Variants in SMAP1 observed in about 807,000 individuals in gnomAD.
SMAP1 encodes small ArfGAP 1, also known as stromal membrane-associated protein 1.
SMAP1 carries 24 observed loss-of-function variants against 58.5 expected under a neutral mutation model. The ratio of observed to expected loss-of-function variants is 0.41; its 90% confidence interval spans 0.30 to 0.58. The LOEUF is 0.58. Among genes scored for constraint, SMAP1 ranks in the 20% least tolerant of loss-of-function variants. The pLI, the probability that SMAP1 is intolerant of heterozygous loss-of-function variation, is 0.29. For missense variants in SMAP1, 563 were observed against 566.3 expected, an observed-to-expected ratio of 0.99 and a Z score of 0.06; for synonymous variants, 216 against 196.6, an observed-to-expected ratio of 1.10 and a Z score of -0.82.
Position 70,668,029 on chromosome 6 carries a change from G to A in SMAP1, c.6G>A (p.Ala2=). 2 of 1,596,054 alleles carry A rather than the reference G, an allele frequency of 1.3e-6. No homozygotes were observed. Among genetic ancestry groups the A allele is most frequent in the African/African-American group, 2.7e-5 (2 of 72,946 alleles). The change falls in exon 1 of 11, where the codon GCG becomes GCA. Residue 2 remains alanine (A), a synonymous_variant. Coordinates refer to ENST00000370455, the MANE Select transcript of SMAP1 (RefSeq NM_001044305.3). Reference sequence around the variant, plus strand: ...CTCCCCGCCCCGCTGCCGAGATGGCGACGCGCTCCTGTCGGGAGAAGGCTC... The same window carrying A: ...CTCCCCGCCCCGCTGCCGAGATGGCAACGCGCTCCTGTCGGGAGAAGGCTC... The part of the protein sequence containing the change: M[A]TRSCREKAQK...
At chr6:70,787,030 C>G (rs200371588) in intron 4 of SMAP1, among the ~76,000 whole-genome samples, 1 of 152,246 alleles carries the variant, frequency 6.6e-6, no homozygotes, top group Non-Finnish European at 1.5e-5. Flanking sequence ...GGAGGCATCA[C>G]GCTACCTGAC....
At chr6:70,750,370 T>G (rs1051570252) in intron 2 of SMAP1, among the ~76,000 whole-genome samples, 2 of 152,242 alleles carry the variant, frequency 1.3e-5, no homozygotes, top group African/African-American at 4.8e-5. Context: ...TATGTTTTAG[T>G]TTCTTAAATT....
At chr6:70,791,945 A>C (rs1768380625) in intron 5 of SMAP1, among the ~76,000 whole-genome samples, 176 bp downstream of exon 5, 1 of 152,144 alleles carries the variant, frequency 6.6e-6, no homozygotes, top group Non-Finnish European at 1.5e-5. Context: ...AAGAACTTTG[A>C]ATCTATATTT....
At chr6:70,759,181 A>G (rs1330436081) in intron 3 of SMAP1, among the ~76,000 whole-genome samples, 2 of 152,120 alleles carry the variant, frequency 1.3e-5, no homozygotes, top group Non-Finnish European at 2.9e-5. Context: ...AGAATAAAGC[A>G]TGGTAGAAGG....
At chr6:70,759,358 G>T (rs999813169) in intron 3 of SMAP1, among the ~76,000 whole-genome samples, 1 of 152,010 alleles carries the variant, frequency 6.6e-6, no homozygotes, top group African/African-American at 2.4e-5. Flanking sequence ...TGTGTCTGTG[G>T]CAGGGTGGGG....
chr6:70,857,600 G>A (rs1369725506), intron 9 of SMAP1: 1 of 274,234 alleles, frequency 3.6e-6, no homozygotes, highest in African/African-American at 2.2e-5. Flanking sequence ...GGGGACCAGT[G>A]GTACAAATCA....
rs527710757 is a variant in SMAP1, at chr6:70,767,031, A to G, written c.339-6319A>G. 3.9e-5 allele frequency among the ~76,000 whole-genome samples: 6 copies of G among 152,004 alleles called. No homozygotes were observed. The East Asian group carries it at 1.2e-3, about 29-fold the overall frequency. On this transcript the variant is annotated intron_variant, in intron 3 of 10. Coordinates refer to ENST00000370455, the MANE Select transcript of SMAP1 (RefSeq NM_001044305.3). ...CCTTTCCCCATTGCTTGTTTTTCTC[A>G]GGTTTGTCAAAGATCAGATAGTTGT... is the stretch of plus-strand genomic sequence containing the variant.
intron 4 of SMAP1, among the ~76,000 whole-genome samples, chr6:70,787,871 C>G (rs942117092): frequency 1.3e-5 from 2 of 151,770 alleles, no homozygotes; most frequent in African/African-American, 2.4e-5. Context: ...ACTAGTTCAA[C>G]CATTGTGGAA....
intron 6 of SMAP1, among the ~76,000 whole-genome samples, chr6:70,820,700 A>G (rs1769848024): frequency 6.6e-6 from 1 of 151,268 alleles, no homozygotes; most frequent in Admixed American, 6.6e-5. Flanking sequence ...GTGAGACTCC[A>G]TCTCGGAAAA....
chr6:70,673,494 T>A (rs1018583871), intron 1 of SMAP1, among the ~76,000 whole-genome samples: 8 of 152,206 alleles, frequency 5.3e-5, no homozygotes, highest in African/African-American at 1.9e-4. Context: ...GCCCATTTGA[T>A]TGCAAGAGCC....
intron 10 of SMAP1, 65 bp from the exon 11 acceptor site, chr6:70,860,135 G>GT: frequency 6.7e-7 from 1 of 1,500,012 alleles, no homozygotes; most frequent in Middle Eastern, 1.8e-4. Flanking sequence ...CAACTGTGTG[G>GT]CTAAAGAAAC....
intron 1 of SMAP1, among the ~76,000 whole-genome samples, chr6:70,678,582 A>G (rs931290091): frequency 6.6e-6 from 1 of 152,218 alleles, no homozygotes; most frequent in African/African-American, 2.4e-5. Flanking sequence ...TACAAACTGA[A>G]TGGCTTAAAA....
At chr6:70,735,294 TCC>T (rs988713829) in intron 2 of SMAP1, among the ~76,000 whole-genome samples, 27 of 152,108 alleles carry the variant, frequency 1.8e-4, no homozygotes, top group African/African-American at 6.3e-4. Context: ...TCCAGTCAAG[TCC>T]CCCAGGGGCA....
intron 6 of SMAP1, among the ~76,000 whole-genome samples, chr6:70,821,758 G>A (rs567866475): frequency 1.2e-4 from 18 of 152,190 alleles, no homozygotes; most frequent in African/African-American, 2.2e-4. Context: ...TACAATGCCC[G>A]CAAGCCTAGA....
At chr6:70,738,082 G>A (rs897404433) in intron 2 of SMAP1, among the ~76,000 whole-genome samples, 7 of 152,246 alleles carry the variant, frequency 4.6e-5, no homozygotes, top group Admixed American at 2.6e-4. Context: ...GTAAAGAGGC[G>A]GGACAACCAC....
chr6:70,763,000 C>T (rs1054145532), intron 3 of SMAP1, among the ~76,000 whole-genome samples: 14 of 150,408 alleles, frequency 9.3e-5, no homozygotes, highest in Non-Finnish European at 1.8e-4. Context: ...GTATACTTAA[C>T]ATAGTTAACT....
At chr6:70,771,345 G>T (rs1018010839) in intron 3 of SMAP1, among the ~76,000 whole-genome samples, 10 of 148,314 alleles carry the variant, frequency 6.7e-5, no homozygotes, top group African/African-American at 2.3e-4. Flanking sequence ...TCTTTGCTCT[G>T]CCCCAGAGTT....
intron 1 of SMAP1, among the ~76,000 whole-genome samples, chr6:70,728,680 C>T (rs1765287748): frequency 6.6e-6 from 1 of 152,178 alleles, no homozygotes; most frequent in Non-Finnish European, 1.5e-5. Context: ...TTCTGTGTCA[C>T]ATGCTGTTAT....
At chr6:70,815,167 A>T (rs1197345820) in intron 6 of SMAP1, among the ~76,000 whole-genome samples, 2 of 152,144 alleles carry the variant, frequency 1.3e-5, no homozygotes, top group Admixed American at 6.6e-5. Flanking sequence ...TTAGTGTCTT[A>T]TCTGGGTACA....
Sources: gnomAD v4.1 joint callset for allele counts (sites outside exome capture counted in the v4.1 genomes callset) on GRCh38, gnomAD v4.1.1 for gene constraint, MANE v1.5 for transcripts, NCBI Gene and HGNC (gene_info 2026-07-23, HGNC 2026-07-21) for gene names.